The following SLIT3 variants were observed in gnomAD, a reference collection of about 807,000 sequenced individuals.
SLIT3 encodes the protein slit guidance ligand 3, also known as slit homolog 3 protein.
In SLIT3, 68 loss-of-function variants were observed where a neutral mutation model predicts 184.0. That is an observed-to-expected ratio of 0.37 (90% CI 0.30 to 0.45). The LOEUF (loss-of-function observed/expected upper bound fraction) is 0.45. Ranked by LOEUF, SLIT3 falls within the 20% of genes least tolerant of loss-of-function variation. The pLI, the probability that SLIT3 is intolerant of heterozygous loss-of-function variation, is 1.00. For synonymous variants in SLIT3, 831 were observed against 828.6 expected, an observed-to-expected ratio of 1.00 and a Z score of -0.05; for missense variants, 1,707 against 2,026.0, an observed-to-expected ratio of 0.84 and a Z score of 3.02.
rs544956057 is a variant in SLIT3 at position 168,820,200 on chromosome 5, G to C, written c.630-2737C>G. Among the ~76,000 whole-genome samples the C allele has an allele frequency of 6.6e-5, 10 of 152,304 alleles. No individual in the cohort carries two copies. The South Asian group carries it at 2.1e-3, about 32-fold the overall frequency. The stretch of plus-strand genomic sequence containing the variant: ...ACTTTCAATAGTTTTGGTGAGGTGT[G>C]ACAGCAACGACACAAGGGAGGGTGG... On this transcript the variant is annotated intron_variant, in intron 7 of 35. Transcript: ENST00000519560.
intron 1 of SLIT3, among the ~76,000 whole-genome samples, chr5:169,299,774 C>T (rs1031059879): frequency 1.3e-5 from 2 of 152,212 alleles, no homozygotes; most frequent in Admixed American, 1.3e-4. Flanking sequence ...CGCTGCCAAG[C>T]CCAGGATCTG....
At chr5:168,768,590 C>T (rs1252583288) in intron 14 of SLIT3, among the ~76,000 whole-genome samples, 1 of 152,216 alleles carries the variant, frequency 6.6e-6, no homozygotes, top group Non-Finnish European at 1.5e-5. Context: ...CATTCAGTCA[C>T]ACCAGTTGGT....
At chr5:168,914,868 C>G (rs1761382743) in intron 4 of SLIT3, among the ~76,000 whole-genome samples, 1 of 152,162 alleles carries the variant, frequency 6.6e-6, no homozygotes, top group South Asian at 2.1e-4. Flanking sequence ...CCAAACTCCA[C>G]TGTAGAGGAC....
intron 4 of SLIT3, among the ~76,000 whole-genome samples, chr5:169,020,977 T>A (rs1301491449): frequency 2.0e-5 from 3 of 152,010 alleles, no homozygotes; most frequent in Non-Finnish European, 4.4e-5. Context: ...AGGGTTAGAG[T>A]CCTATAGAAG....
chr5:168,734,829 G>A (rs1292281334), intron 20 of SLIT3, among the ~76,000 whole-genome samples: 1 of 152,150 alleles, frequency 6.6e-6, no homozygotes, highest in Non-Finnish European at 1.5e-5. Context: ...CTCAGGAAAC[G>A]TCATCTGTGT....
chr5:168,710,002 G>C (rs187630626), intron 25 of SLIT3: 47 of 152,216 alleles, frequency 3.1e-4, no homozygotes, highest in African/African-American at 1.1e-3. Context: ...AATGTACTTT[G>C]ATTCAGTAAT....
At chr5:169,250,189 G>A (rs764225302) in intron 2 of SLIT3, among the ~76,000 whole-genome samples, 65 of 152,078 alleles carry the variant, frequency 4.3e-4, no homozygotes, top group Non-Finnish European at 8.2e-4. Flanking sequence ...TACAAATAGG[G>A]GCTCATAATA....
chr5:169,144,815 G>T (rs1483340831), intron 4 of SLIT3, among the ~76,000 whole-genome samples: 1 of 152,182 alleles, frequency 6.6e-6, no homozygotes, highest in African/African-American at 2.4e-5. Context: ...GACGGGCTTT[G>T]TCCTAAGCCC....
chr5:168,973,668 G>A (rs78876745), intron 4 of SLIT3, among the ~76,000 whole-genome samples: 14,392 of 152,168 alleles, frequency 0.095, 777 homozygotes, highest in Non-Finnish European at 0.12. Context: ...CATCACTGTC[G>A]TCAATATTAG....
intron 20 of SLIT3, among the ~76,000 whole-genome samples, chr5:168,735,032 C>A (rs904274091): frequency 2.0e-5 from 3 of 152,184 alleles, no homozygotes; most frequent in Non-Finnish European, 4.4e-5. Flanking sequence ...TTCATGAAAA[C>A]TCTGAACTCC....
intron 4 of SLIT3, among the ~76,000 whole-genome samples, chr5:169,076,995 A>C (rs116498147): frequency 6.6e-6 from 1 of 151,966 alleles, no homozygotes; most frequent in South Asian, 2.1e-4. Context: ...AGGGATAAAC[A>C]GTTGACCCTT....
At chr5:168,678,377 C>T (rs187106619) in intron 32 of SLIT3, among the ~76,000 whole-genome samples, 1 of 152,282 alleles carries the variant, frequency 6.6e-6, no homozygotes, top group Admixed American at 6.5e-5. Context: ...TGGCTCACAC[C>T]TGTAATCCTA....
chr5:169,011,132 AG>A (rs1756128920), intron 4 of SLIT3, among the ~76,000 whole-genome samples: 1 of 152,100 alleles, frequency 6.6e-6, no homozygotes, highest in Non-Finnish European at 1.5e-5. Context: ...CCTCCAGTCC[AG>A]CTCTGCTCCT....
intron 4 of SLIT3, among the ~76,000 whole-genome samples, chr5:169,031,527 T>C (rs10516055): frequency 0.032 from 4,850 of 152,260 alleles, 210 homozygotes; most frequent in East Asian, 0.099. Context: ...TTACAGTTCA[T>C]GGAGGTTACA....
chr5:168,723,771 G>A (rs1763018755), intron 21 of SLIT3, among the ~76,000 whole-genome samples: 1 of 152,188 alleles, frequency 6.6e-6, no homozygotes, highest in South Asian at 2.1e-4. Flanking sequence ...ATCACCTGGG[G>A]AGCTTTTAAA....
chr5:169,253,396 C>T (rs986920807), intron 1 of SLIT3, among the ~76,000 whole-genome samples: 14 of 152,184 alleles, frequency 9.2e-5, no homozygotes, highest in African/African-American at 2.9e-4. Flanking sequence ...AAGGATGTGG[C>T]GGGGGGCAGA....
intron 1 of SLIT3, among the ~76,000 whole-genome samples, chr5:169,256,944 T>G (rs1765980624): frequency 6.6e-6 from 1 of 152,062 alleles, no homozygotes; most frequent in East Asian, 2.0e-4. Context: ...CTAATCACAG[T>G]AATGATTATC....
At chr5:169,231,513 A>AGAAC (rs1434049142) in intron 3 of SLIT3, among the ~76,000 whole-genome samples, 2 of 152,190 alleles carry the variant, frequency 1.3e-5, no homozygotes, top group Non-Finnish European at 2.9e-5. Context: ...GAGATTTACC[A>AGAAC]TGTGGTTACA....
Position 169,231,510 on chromosome 5 carries a change from A to G in SLIT3, c.341+13195T>C, listed in dbSNP as rs1384540730. Among the ~76,000 whole-genome samples, 8 of 152,320 alleles carry G rather than the reference A, an allele frequency of 5.3e-5. No homozygotes were observed. The South Asian group carries it at 1.4e-3, about 28-fold the overall frequency. ...GTCCCCGATTATGCTTCTGAGATTT[A>G]CCATGTGGTTACAGACAGCAGTTTT... On this transcript the variant is annotated intron_variant, in intron 3 of 35. Coordinates refer to ENST00000519560, the MANE Select transcript of SLIT3 (RefSeq NM_003062.4).
Sources: gnomAD v4.1 joint callset for allele counts (sites outside exome capture counted in the v4.1 genomes callset) on GRCh38, gnomAD v4.1.1 for gene constraint, MANE v1.5 for transcripts, NCBI Gene and HGNC (gene_info 2026-07-23, HGNC 2026-07-21) for gene names.